LPP: variants seen among roughly 807,000 people sequenced by gnomAD.
LPP encodes the protein LIM domain containing preferred translocation partner in lipoma, also known as lipoma-preferred partner.
A neutral mutation model predicts 60.4 loss-of-function variants in LPP; 38 were observed. That is an observed-to-expected ratio of 0.63 (90% CI 0.49 to 0.83). The LOEUF (loss-of-function observed/expected upper bound fraction) is 0.83, where lower values mean the gene tolerates loss of function less well. Ranked by LOEUF, LPP falls within the 40% of genes least tolerant of loss-of-function variation. The pLI, the probability that LPP is intolerant of heterozygous loss-of-function variation, is 0.00. For synonymous variants in LPP, 328 were observed against 290.8 expected (o/e 1.13, Z -1.30); for missense variants, 902 against 783.6 (o/e 1.15, Z -1.80).
At chr3:188,417,256 A>G (rs949161044) in intron 4 of LPP, among the ~76,000 whole-genome samples, 1 of 152,120 alleles carries the variant, frequency 6.6e-6, no homozygotes, top group African/African-American at 2.4e-5. Flanking sequence ...AACAGGCACC[A>G]CATGTGCATA....
intron 9 of LPP, among the ~76,000 whole-genome samples, chr3:188,778,959 G>A (rs936864166): frequency 6.6e-6 from 1 of 152,164 alleles, no homozygotes; most frequent in Non-Finnish European, 1.5e-5. Context: ...AAAAGTGTGT[G>A]TGTTTGTGTG....
At chr3:188,782,177 T>C (rs972605056) in intron 9 of LPP, among the ~76,000 whole-genome samples, 2 of 152,228 alleles carry the variant, frequency 1.3e-5, no homozygotes, top group Middle Eastern at 3.2e-3. Flanking sequence ...TTAATACTTT[T>C]TTCAACTAAA....
intron 6 of LPP, among the ~76,000 whole-genome samples, chr3:188,592,557 G>GTTTGTTTTTTTTTTTTTT (rs1260656926): frequency 4.2e-4 from 36 of 85,714 alleles, no homozygotes; most frequent in East Asian, 9.6e-4. Flanking sequence ...TTTTGTTTTT[G>GTTTGTTTTTTTTTTTTTT]TTTTTTAAAT....
chr3:188,427,112 A>G (rs577505442), intron 4 of LPP, among the ~76,000 whole-genome samples: 1 of 152,130 alleles, frequency 6.6e-6, no homozygotes, highest in Non-Finnish European at 1.5e-5. Context: ...CTCCATGTTT[A>G]GTGCTTCCTT....
chr3:188,190,310 C>T (rs1349408146), intron 1 of LPP, among the ~76,000 whole-genome samples: 5 of 152,078 alleles, frequency 3.3e-5, no homozygotes, highest in Non-Finnish European at 5.9e-5. Flanking sequence ...CCGCCCGCCT[C>T]GGCCTCCCAA....
chr3:188,423,060 A>G (rs988732532), intron 4 of LPP, among the ~76,000 whole-genome samples: 1 of 151,856 alleles, frequency 6.6e-6, no homozygotes, highest in Non-Finnish European at 1.5e-5. Flanking sequence ...TCAACCCGTC[A>G]TCTACATTAG....
At chr3:188,667,856 C>A (rs539692675) in intron 7 of LPP, among the ~76,000 whole-genome samples, 3 of 151,342 alleles carry the variant, frequency 2.0e-5, no homozygotes, top group Admixed American at 1.3e-4. Context: ...GAAATTTGTG[C>A]AGCTCCTTTT....
At chr3:188,157,833 T>G (rs1309212345) in intron 1 of LPP, among the ~76,000 whole-genome samples, 1 of 149,176 alleles carries the variant, frequency 6.7e-6, no homozygotes, top group Non-Finnish European at 1.5e-5. Context: ...TAGGAATGAG[T>G]AGGAGTTGTC....
chr3:188,693,640 C>T (rs1198438934), intron 7 of LPP, among the ~76,000 whole-genome samples: 1 of 152,092 alleles, frequency 6.6e-6, no homozygotes, highest in Non-Finnish European at 1.5e-5. Context: ...GGGATGGCAC[C>T]AGCGCAGCCC....
intron 3 of LPP, among the ~76,000 whole-genome samples, chr3:188,358,679 G>A (rs916445333): frequency 6.6e-6 from 1 of 151,506 alleles, no homozygotes; most frequent in African/African-American, 2.4e-5. Flanking sequence ...AAGAGTGTGC[G>A]CTGAGAAGTG....
At chr3:188,475,523 A>G (rs1802922024) in intron 4 of LPP, among the ~76,000 whole-genome samples, 1 of 152,158 alleles carries the variant, frequency 6.6e-6, no homozygotes. Flanking sequence ...GCTGTAGACA[A>G]CCCCTGTTAA....
At chr3:188,476,060 C>T (rs1383154040) in intron 4 of LPP, among the ~76,000 whole-genome samples, 2 of 152,058 alleles carry the variant, frequency 1.3e-5, no homozygotes, top group Non-Finnish European at 2.9e-5. Context: ...TTGCAACTCC[C>T]ACCACCACCC....
intron 1 of LPP, among the ~76,000 whole-genome samples, chr3:188,221,675 C>T (rs60615586): frequency 0.017 from 2,513 of 152,198 alleles, 59 homozygotes; most frequent in African/African-American, 0.055. Context: ...TCCCACATAC[C>T]AGTAGATGTC....
intron 9 of LPP, among the ~76,000 whole-genome samples, chr3:188,840,808 A>G (rs1018906243): frequency 6.6e-6 from 1 of 152,286 alleles, no homozygotes; most frequent in Non-Finnish European, 1.5e-5. Flanking sequence ...GTGAAATTAC[A>G]TATGCCAGTA....
chr3:188,353,775 T>C (rs1273186251), intron 3 of LPP, among the ~76,000 whole-genome samples: 1 of 152,206 alleles, frequency 6.6e-6, no homozygotes, highest in Non-Finnish European at 1.5e-5. Context: ...TGATTTGTTT[T>C]CAGTAAAGCC....
chr3:188,864,874 T>A (rs1210206810), intron 9 of LPP, among the ~76,000 whole-genome samples: 1 of 152,200 alleles, frequency 6.6e-6, no homozygotes, highest in African/African-American at 2.4e-5. Context: ...AAACTGGAAG[T>A]CATTGGAGAC....
At chr3:188,823,162 T>C (rs778820109) in intron 9 of LPP, among the ~76,000 whole-genome samples, 3 of 152,176 alleles carry the variant, frequency 2.0e-5, no homozygotes, top group Non-Finnish European at 4.4e-5. Flanking sequence ...TTAGCCTTTC[T>C]AGAAGAGATG....
At chr3:188,287,303 C>T (rs539405903) in intron 2 of LPP, among the ~76,000 whole-genome samples, 25 of 152,316 alleles carry the variant, frequency 1.6e-4, no homozygotes, top group South Asian at 2.1e-4. Context: ...TCCCCCGCCC[C>T]GTGTGTTAAT....
intron 7 of LPP, among the ~76,000 whole-genome samples, chr3:188,649,677 G>A (rs1851726784): frequency 6.6e-6 from 1 of 151,968 alleles, no homozygotes; most frequent in Non-Finnish European, 1.5e-5. Flanking sequence ...ATTATATAAA[G>A]CCTTGCAGTG....
Sources: allele counts gnomAD v4.1 joint callset (sites outside exome capture counted in the v4.1 genomes callset), GRCh38; gene constraint gnomAD v4.1.1; transcripts MANE v1.5; gene names NCBI Gene and HGNC (gene_info 2026-07-23, HGNC 2026-07-21).